Variants in GSTA2 observed in about 807,000 individuals in gnomAD.
GSTA2 encodes glutathione S-transferase alpha 2, also known as glutathione S-transferase A2.
A neutral mutation model predicts 22.4 loss-of-function variants in GSTA2; 27 were observed. That is an observed-to-expected ratio of 1.21 (90% CI 0.89 to 1.67). The LOEUF (loss-of-function observed/expected upper bound fraction) is 1.67. Among genes scored for constraint, GSTA2 ranks in the 40% most tolerant of loss-of-function variants. GSTA2 has a pLI of 0.00. For missense variants in GSTA2, 302 were observed against 260.2 expected (o/e 1.16, Z -1.11); for synonymous variants, 121 against 86.8 (o/e 1.39, Z -2.19).
chr6:52,755,790 A>G lies in GSTA2; in HGVS notation c.139+468T>C, dbSNP rs150155721. 4.2e-3 allele frequency among the ~76,000 whole-genome samples: 623 copies of G among 148,832 alleles called. 9 individuals carry two copies. The highest frequency in any genetic ancestry group is 0.015 in the African/African-American group (575 of 38,368). ...AAGGCAGGTTCTGAGAGGTTTTTAT[A>G]TAAGGGTCCCTTTCTGTGCTCTTCA... On this transcript the variant is annotated intron_variant, in intron 3 of 6. Coordinates refer to ENST00000493422, the MANE Select transcript of GSTA2 (RefSeq NM_000846.5).
chr6:52,754,807 T>C (rs1178929846), intron 4 of GSTA2, 136 bp downstream of exon 4: 16 of 1,119,806 alleles, frequency 1.4e-5, no homozygotes, highest in Non-Finnish European at 2.0e-5. Context: ...GACTCTGCAA[T>C]ACTGGACCTC....
intron 1 of GSTA2, among the ~76,000 whole-genome samples, chr6:52,760,519 C>T (rs73740547): frequency 0.018 from 2,671 of 152,194 alleles, 85 homozygotes; most frequent in African/African-American, 0.06. Context: ...GAAATGGCTC[C>T]TATTATCCTA....
intron 1 of GSTA2, 34 bp from the exon 2 acceptor site, chr6:52,758,011 T>A (rs1762881069): frequency 2.4e-6 from 3 of 1,237,494 alleles, no homozygotes; most frequent in East Asian, 2.3e-5. Context: ...AATGAATAAT[T>A]GAAACGATAG....
chr6:52,756,146 C>T (rs1762839459), intron 3 of GSTA2, 112 bp downstream of exon 3: 2 of 694,902 alleles, frequency 2.9e-6, no homozygotes, highest in Non-Finnish European at 5.2e-6. Context: ...TCTCCCTCTG[C>T]ACCATGTACA....
intron 2 of GSTA2, among the ~76,000 whole-genome samples, chr6:52,756,675 ACCTTGTGTGTCC>A (rs1561895873): frequency 1.3e-5 from 2 of 152,172 alleles, no homozygotes; most frequent in African/African-American, 4.8e-5. Context: ...TCAGACCACA[ACCTTGTGTGTCC>A]CCAGCATGAG....
chr6:52,759,583 T>TG, intron 1 of GSTA2, among the ~76,000 whole-genome samples: 1 of 123,244 alleles, frequency 8.1e-6, no homozygotes, highest in Admixed American at 8.1e-5. Flanking sequence ...TTTTTTTTTT[T>TG]TTTTTTTTTT....
intron 3 of GSTA2, among the ~76,000 whole-genome samples, chr6:52,755,285 G>A (rs1319404722): frequency 1.3e-5 from 2 of 148,756 alleles, no homozygotes; most frequent in Non-Finnish European, 3.0e-5. Flanking sequence ...TGTGATCTTG[G>A]CTCACTGTAA....
chr6:52,761,892 G>C (rs963727821), intron 1 of GSTA2, among the ~76,000 whole-genome samples: 2 of 150,770 alleles, frequency 1.3e-5, no homozygotes, highest in Non-Finnish European at 2.9e-5. Flanking sequence ...GTAGACATAA[G>C]AGACTCCATT....
rs1581769821 is a variant in GSTA2 at position 52,750,535 on chromosome 6, G to T, written c.*42C>A. On this transcript the variant is annotated 3_prime_UTR_variant, in exon 7 of 7. Transcript: ENST00000493422. ...AGCACTTAATTGTTGCAAAACTTTA[G>T]AATACTGGTCTTGCATGTTCTTGAC... 6.2e-7 allele frequency: 1 copy of T among 1,602,784 alleles called. No homozygotes were observed. The highest frequency in any genetic ancestry group is 2.2e-5 in the East Asian group (1 of 44,774).
Position 52,754,955 on chromosome 6 carries a change from T to G in GSTA2, c.260A>C (p.Lys87Thr), listed in dbSNP as rs2127286939. The change falls in exon 4 of 7, where the codon AAG (lysine) becomes ACG (threonine). Residue 87 changes from lysine (K) to threonine (T), a missense_variant. Transcript: ENST00000493422. ...SKYNLYGKDI[K>T]EKALIDMYIE... ...AAATATACCGTACAGGGCTTTCTCC[T>G]TTATGTCTTTCCCATAGAGGTTGTA... 6.2e-7 allele frequency: 1 copy of G among 1,613,824 alleles called. No homozygotes were observed. Among genetic ancestry groups the G allele is most frequent in the Admixed American group, 1.7e-5 (1 of 60,012 alleles).
intron 1 of GSTA2, among the ~76,000 whole-genome samples, chr6:52,759,425 C>T (rs941669179): frequency 1.3e-5 from 2 of 152,098 alleles, no homozygotes; most frequent in Non-Finnish European, 2.9e-5. Context: ...GTTCCAGTGC[C>T]AGGACTTAGG....
chr6:52,758,041 G>C, intron 1 of GSTA2, 64 bp from the exon 2 acceptor site: 1 of 1,003,502 alleles, frequency 1.0e-6, no homozygotes, highest in Admixed American at 2.0e-5. Context: ...TGTACTTTAG[G>C]ATGTATGGTT....
chr6:52,757,928 A>G lies in GSTA2; in HGVS notation c.20T>C (p.Leu7Pro). 1 of 1,613,590 alleles carries G rather than the reference A, an allele frequency of 6.2e-7. No individual in the cohort carries two copies. The highest frequency in any genetic ancestry group is 8.5e-7 in the Non-Finnish European group (1 of 1,179,610). MAEKPK[L>P]HYSNIRGRME... ...TCTGCCCCGTATATTGGAGTAGTGGAGCTTGGGCTTCTCTGCCATGGTAGC... is the reference window on the plus strand; with the variant it reads ...TCTGCCCCGTATATTGGAGTAGTGGGGCTTGGGCTTCTCTGCCATGGTAGC... The change falls in exon 2 of 7, where the codon CTC becomes CCC. Residue 7 changes from leucine (L) to proline (P), a missense_variant. Physicochemically the swap from Leu to Pro is moderately conservative, Grantham distance 98. Coordinates refer to ENST00000493422, the MANE Select transcript of GSTA2 (RefSeq NM_000846.5).
chr6:52,750,527 A>G lies in GSTA2; in HGVS notation c.*50T>C, dbSNP rs753519703. ...TTAGGTAAAGCACTTAATTGTTGCAAAACTTTAGAATACTGGTCTTGCATG... is the reference window on the plus strand; with the variant it reads ...TTAGGTAAAGCACTTAATTGTTGCAGAACTTTAGAATACTGGTCTTGCATG... On this transcript the variant is annotated 3_prime_UTR_variant, in exon 7 of 7. Coordinates refer to ENST00000493422, the MANE Select transcript of GSTA2 (RefSeq NM_000846.5). 24 of 1,597,798 alleles carry G rather than the reference A, an allele frequency of 1.5e-5. No homozygotes were observed. The highest frequency in any genetic ancestry group is 1.9e-5 in the Non-Finnish European group (22 of 1,169,610).
Position 52,750,585 on chromosome 6 carries a change from T to A in GSTA2, c.661A>T (p.Arg221Trp). 1 of 1,613,862 alleles carries A rather than the reference T, an allele frequency of 6.2e-7. No individual in the cohort carries two copies. Among genetic ancestry groups the A allele is most frequent in the Non-Finnish European group, 8.5e-7 (1 of 1,179,804 alleles). The change falls in exon 7 of 7, where the codon AGG (arginine) becomes TGG (tryptophan). Residue 221 changes from arginine to tryptophan, a missense_variant. Coordinates refer to ENST00000493422, the MANE Select transcript of GSTA2 (RefSeq NM_000846.5). ...CCTCTATGGCTGGTTTATTAAAACC[T>A]GAAAATCTTCCTTGATTCTTCTAAA... ...KSLEESRKIF[R>W]F is the part of the protein sequence containing the mutation.
At chr6:52,755,135 G>A in intron 3 of GSTA2, 60 bp from the exon 4 acceptor site, 15 of 1,548,096 alleles carry the variant, frequency 9.7e-6, no homozygotes, top group Admixed American at 3.9e-5. Flanking sequence ...ATTTCAGGAT[G>A]AAAAAAAATG....
At chr6:52,758,899 A>C (rs1471866986) in intron 1 of GSTA2, among the ~76,000 whole-genome samples, 1 of 152,192 alleles carries the variant, frequency 6.6e-6, no homozygotes, top group African/African-American at 2.4e-5. Context: ...CCTAAGGTTA[A>C]TGTGGTTGTT....
rs199564033 is a variant in GSTA2, at chr6:52,751,678, C to T, written c.445G>A (p.Val149Ile). The T allele has an allele frequency of 1.2e-6, 2 of 1,614,160 alleles. No individual in the cohort carries two copies. Among genetic ancestry groups the T allele is most frequent in the Non-Finnish European group, 8.5e-7 (1 of 1,180,010 alleles). ...VLKSHGQDYL[V>I]GNKLSRADIH... Reference sequence around the variant, plus strand: ...TCAGCCCGGCTCAGCTTGTTGCCAACAAGGTAGTCTTGTCCGTGGCTCTTT... The same window carrying T: ...TCAGCCCGGCTCAGCTTGTTGCCAATAAGGTAGTCTTGTCCGTGGCTCTTT... Residue 149 changes from valine to isoleucine, a missense_variant, in exon 6 of 7, where the codon GTT (valine) becomes ATT (isoleucine). Val to Ile is a conservative substitution (Grantham distance 29, BLOSUM62 3). Transcript: ENST00000493422.
In GSTA2 at chr6:52,751,716, A is replaced by G; in HGVS notation, c.415-8T>C. 6.2e-7 allele frequency: 1 copy of G among 1,614,112 alleles called. No homozygotes were observed. The highest frequency in any genetic ancestry group is 8.5e-7 in the Non-Finnish European group (1 of 1,179,968). On this transcript the variant is annotated splice_region_variant and splice_polypyrimidine_tract_variant and intron_variant, in intron 5 of 6. Coordinates refer to ENST00000493422, the MANE Select transcript of GSTA2 (RefSeq NM_000846.5). ...TCCGTGGCTCTTTAAGACCTGGAGAATGGGAGGAATCAGATCAGGAACACA... is the reference window on the plus strand; with the variant it reads ...TCCGTGGCTCTTTAAGACCTGGAGAGTGGGAGGAATCAGATCAGGAACACA...
Sources: gnomAD v4.1 joint callset for allele counts (sites outside exome capture counted in the v4.1 genomes callset) on GRCh38, gnomAD v4.1.1 for gene constraint, MANE v1.5 for transcripts, NCBI Gene and HGNC (gene_info 2026-07-23, HGNC 2026-07-21) for gene names.